Variants in LDLRAD4 observed in about 807,000 individuals in gnomAD.
LDLRAD4 encodes low-density lipoprotein receptor class A domain-containing protein 4.
In LDLRAD4, 5 loss-of-function variants were observed where a neutral mutation model predicts 17.0. The observed-to-expected ratio is 0.29, with a 90% CI of 0.15 to 0.62. The LOEUF (loss-of-function observed/expected upper bound fraction) is 0.62, where lower values mean the gene tolerates loss of function less well. LDLRAD4 is among the 20% of genes least tolerant of loss of function. The pLI is 0.84. For missense variants in LDLRAD4, 340 were observed against 424.7 expected, an observed-to-expected ratio of 0.80 and a Z score of 1.75; for synonymous variants, 168 against 171.8, an observed-to-expected ratio of 0.98 and a Z score of 0.17.
intron 3 of LDLRAD4, among the ~76,000 whole-genome samples, chr18:13,589,295 G>A (rs1455209913): frequency 6.6e-6 from 1 of 152,174 alleles, no homozygotes; most frequent in Admixed American, 6.5e-5. Context: ...GAAGGCAGGT[G>A]AAATGATGGT....
At chr18:13,294,598 C>T (rs559421272) in intron 1 of LDLRAD4, among the ~76,000 whole-genome samples, 39 of 152,250 alleles carry the variant, frequency 2.6e-4, no homozygotes, top group African/African-American at 9.4e-4. Flanking sequence ...CCCAGCCTTC[C>T]TAGGCGGTGG....
chr18:13,573,714 T>TG (rs2094725715), intron 3 of LDLRAD4, among the ~76,000 whole-genome samples: 1 of 152,206 alleles, frequency 6.6e-6, no homozygotes, highest in African/African-American at 2.4e-5. Context: ...CTGTCAGATT[T>TG]GGGGGCAGTG....
intron 3 of LDLRAD4, among the ~76,000 whole-genome samples, chr18:13,441,620 G>A (rs573711763): frequency 3.0e-4 from 45 of 152,336 alleles, no homozygotes; most frequent in African/African-American, 1.0e-3. Context: ...TTAGCTTTGA[G>A]TATGCTCCAT....
intron 1 of LDLRAD4, among the ~76,000 whole-genome samples, chr18:13,329,376 AT>A (rs1308745937): frequency 2.0e-5 from 3 of 152,138 alleles, no homozygotes; most frequent in Non-Finnish European, 2.9e-5. Context: ...TAATAGAGTT[AT>A]TTTAATTTGC....
chr18:13,482,269 C>T (rs747831611), intron 3 of LDLRAD4, among the ~76,000 whole-genome samples: 5 of 152,132 alleles, frequency 3.3e-5, no homozygotes, highest in African/African-American at 7.2e-5. Context: ...ACCTCACCCC[C>T]GACTTTCAGA....
intron 3 of LDLRAD4, among the ~76,000 whole-genome samples, chr18:13,445,523 TG>T (rs1305798048): frequency 7.3e-5 from 11 of 151,152 alleles, no homozygotes; most frequent in African/African-American, 2.7e-4. Context: ...TGCACGTGTG[TG>T]TATAAGAGTG....
At chr18:13,631,539 G>A (rs1284429) in intron 4 of LDLRAD4, among the ~76,000 whole-genome samples, 102,128 of 152,102 alleles carry the variant, frequency 0.67, 34,670 homozygotes, top group East Asian at 0.94. Flanking sequence ...CAAAGACACA[G>A]CAGAAAAAGA....
intron 3 of LDLRAD4, among the ~76,000 whole-genome samples, chr18:13,502,320 C>T (rs1196114389): frequency 6.6e-6 from 1 of 152,192 alleles, no homozygotes; most frequent in African/African-American, 2.4e-5. Flanking sequence ...TTCACCAGCT[C>T]TTGGGACTGT....
intron 3 of LDLRAD4, among the ~76,000 whole-genome samples, chr18:13,572,563 C>T (rs1308146455): frequency 6.6e-6 from 1 of 152,216 alleles, no homozygotes; most frequent in African/African-American, 2.4e-5. Context: ...CTTCAATGCA[C>T]ATTGAGTAAG....
chr18:13,411,052 A>C (rs1307903624), intron 2 of LDLRAD4, among the ~76,000 whole-genome samples: 1 of 152,148 alleles, frequency 6.6e-6, no homozygotes, highest in African/African-American at 2.4e-5. Context: ...GGAGTTTAAG[A>C]CCAGCCTGGG....
chr18:13,479,356 G>A (rs915545981), intron 3 of LDLRAD4, among the ~76,000 whole-genome samples: 23 of 152,184 alleles, frequency 1.5e-4, no homozygotes, highest in Admixed American at 1.2e-3. Flanking sequence ...TGCAGTGGCC[G>A]ACATCTGTAA....
chr18:13,646,629 T>G (rs2043026452), exon 6 of LDLRAD4: 1 of 152,638 alleles, frequency 6.6e-6, no homozygotes, highest in Non-Finnish European at 1.5e-5. Flanking sequence ...GCTGCCCTCA[T>G]CCTCCAGCAG....
At chr18:13,651,542 T>C (rs1018746890) in exon 6 of LDLRAD4, 1 of 152,256 alleles carries the variant, frequency 6.6e-6, no homozygotes, top group South Asian at 2.1e-4. Flanking sequence ...AATTACGTTT[T>C]GGATTGTATA....
chr18:13,623,066 A>G (rs1007149493), intron 4 of LDLRAD4, among the ~76,000 whole-genome samples: 1 of 152,198 alleles, frequency 6.6e-6, no homozygotes, highest in Non-Finnish European at 1.5e-5. Flanking sequence ...GTCCCTGTTC[A>G]TAGCACCTTG....
intron 3 of LDLRAD4, among the ~76,000 whole-genome samples, chr18:13,604,885 C>T (rs554702660): frequency 3.1e-4 from 47 of 152,118 alleles, no homozygotes; most frequent in African/African-American, 1.1e-3. Flanking sequence ...CATTTGGGGG[C>T]GTGCCAGCAG....
chr18:13,389,217 G>A (rs946551845), intron 2 of LDLRAD4, among the ~76,000 whole-genome samples: 28 of 152,130 alleles, frequency 1.8e-4, no homozygotes, highest in South Asian at 6.2e-4. Flanking sequence ...AGCTGTTTCC[G>A]TCTCAGGAGC....
At chr18:13,410,064 G>A (rs1054447178) in intron 2 of LDLRAD4, among the ~76,000 whole-genome samples, 17 of 152,230 alleles carry the variant, frequency 1.1e-4, no homozygotes, top group African/African-American at 3.9e-4. Flanking sequence ...TATTCTAATC[G>A]TGATAAGACA....
chr18:13,343,878 T>G (rs1161027992), intron 1 of LDLRAD4, among the ~76,000 whole-genome samples: 1 of 152,258 alleles, frequency 6.6e-6, no homozygotes, highest in African/African-American at 2.4e-5. Flanking sequence ...CATAAATGTC[T>G]TCTTTTGAGA....
chr18:13,408,140 G>A (rs1325255720), intron 2 of LDLRAD4, among the ~76,000 whole-genome samples: 1 of 152,114 alleles, frequency 6.6e-6, no homozygotes, highest in Non-Finnish European at 1.5e-5. Flanking sequence ...TTGGGAGGCC[G>A]AGATGAGAGG....
Sources: allele counts gnomAD v4.1 joint callset (sites outside exome capture counted in the v4.1 genomes callset), GRCh38; gene constraint gnomAD v4.1.1; transcripts MANE v1.5; gene names NCBI Gene and HGNC (gene_info 2026-07-23, HGNC 2026-07-21).